GPR158: variants seen among roughly 807,000 people sequenced by gnomAD.
The protein encoded by GPR158 is metabotropic glycine receptor.
GPR158 carries 30 observed loss-of-function variants against 78.2 expected under a neutral mutation model. The observed-to-expected ratio is 0.38, with a 90% confidence interval of 0.29 to 0.52. The LOEUF is 0.52. Ranked by LOEUF, GPR158 falls within the 20% of genes least tolerant of loss-of-function variation. The pLI is 0.83. For missense variants in GPR158, 1,463 were observed against 1,523.5 expected, an observed-to-expected ratio of 0.96 and a Z score of 0.66; for synonymous variants, 581 against 591.1, an observed-to-expected ratio of 0.98 and a Z score of 0.25.
intron 2 of GPR158, among the ~76,000 whole-genome samples, chr10:25,259,512 T>C (rs1450883906): frequency 1.3e-5 from 2 of 152,172 alleles, no homozygotes; most frequent in Non-Finnish European, 2.9e-5. Flanking sequence ...ATAGCTTTAT[T>C]ATAAGATTTG....
chr10:25,524,266 T>C (rs895205922), intron 5 of GPR158, among the ~76,000 whole-genome samples: 1 of 152,210 alleles, frequency 6.6e-6, no homozygotes, highest in Non-Finnish European at 1.5e-5. Flanking sequence ...CCCAGCTATC[T>C]TTTTGTTAAA....
chr10:25,417,132 G>A (rs1834674477), intron 4 of GPR158, among the ~76,000 whole-genome samples: 1 of 152,188 alleles, frequency 6.6e-6, no homozygotes, highest in Non-Finnish European at 1.5e-5. Context: ...AATTTCTCCT[G>A]TGGATCTTTA....
chr10:25,492,224 A>G (rs1835820369), intron 5 of GPR158, among the ~76,000 whole-genome samples: 1 of 152,132 alleles, frequency 6.6e-6, no homozygotes, highest in Admixed American at 6.6e-5. Context: ...GGATCAAGCA[A>G]TTCATTAAGG....
chr10:25,307,353 C>T (rs992013247), intron 2 of GPR158, among the ~76,000 whole-genome samples: 1 of 149,234 alleles, frequency 6.7e-6, no homozygotes, highest in African/African-American at 2.5e-5. Flanking sequence ...CCCCAAAATG[C>T]CATACTCTCG....
At chr10:25,357,321 G>A (rs1855567758) in intron 2 of GPR158, among the ~76,000 whole-genome samples, 1 of 152,124 alleles carries the variant, frequency 6.6e-6, no homozygotes, top group Non-Finnish European at 1.5e-5. Flanking sequence ...GCTGGCTGTA[G>A]AAATTTGCAT....
intron 1 of GPR158, among the ~76,000 whole-genome samples, chr10:25,186,481 C>T (rs1564385580): frequency 6.6e-6 from 1 of 151,772 alleles, no homozygotes; most frequent in African/African-American, 2.4e-5. Flanking sequence ...ACTAGCAAGA[C>T]TAATAAAGAA....
At chr10:25,576,994 G>A (rs1342071527) in intron 7 of GPR158, among the ~76,000 whole-genome samples, 1 of 147,004 alleles carries the variant, frequency 6.8e-6, no homozygotes, top group African/African-American at 2.5e-5. Flanking sequence ...AAAAGTCAGG[G>A]CACATAATTT....
intron 5 of GPR158, among the ~76,000 whole-genome samples, chr10:25,478,281 C>T (rs1835616002): frequency 6.6e-6 from 1 of 152,104 alleles, no homozygotes; most frequent in Admixed American, 6.6e-5. Flanking sequence ...CAGTAAACAC[C>T]TATTAGAAAA....
intron 2 of GPR158, among the ~76,000 whole-genome samples, chr10:25,297,693 A>G (rs1645221894): frequency 6.6e-6 from 1 of 152,224 alleles, no homozygotes; most frequent in Admixed American, 6.5e-5. Flanking sequence ...ACTAGGCAAC[A>G]TACTTATCAG....
At chr10:25,233,825 A>T (rs1378679985) in intron 2 of GPR158, among the ~76,000 whole-genome samples, 4 of 152,230 alleles carry the variant, frequency 2.6e-5, no homozygotes, top group Admixed American at 2.6e-4. Context: ...ATGCAGAAAG[A>T]GAGAGAGGAG....
At chr10:25,305,541 G>A (rs1854661452) in intron 2 of GPR158, among the ~76,000 whole-genome samples, 1 of 152,126 alleles carries the variant, frequency 6.6e-6, no homozygotes. Flanking sequence ...TCCCAGTTTG[G>A]AAGTGTCAGC....
At chr10:25,383,803 C>G (rs1834187907) in intron 2 of GPR158, among the ~76,000 whole-genome samples, 1 of 152,138 alleles carries the variant, frequency 6.6e-6, no homozygotes, top group Non-Finnish European at 1.5e-5. Context: ...TGACCATGCA[C>G]TAGCATCTGT....
chr10:25,199,795 TA>T (rs1157704313), intron 1 of GPR158, among the ~76,000 whole-genome samples: 1 of 152,172 alleles, frequency 6.6e-6, no homozygotes, highest in Non-Finnish European at 1.5e-5. Flanking sequence ...GTGAGTCAAT[TA>T]AGCCTCTTAA....
At chr10:25,230,346 A>G (rs1853431183) in intron 2 of GPR158, among the ~76,000 whole-genome samples, 1 of 152,198 alleles carries the variant, frequency 6.6e-6, no homozygotes, top group Admixed American at 6.5e-5. Context: ...GCAAAAGCCA[A>G]CATAGTCTGA....
At chr10:25,531,104 GA>G (rs1446283223) in intron 5 of GPR158, among the ~76,000 whole-genome samples, 1 of 152,164 alleles carries the variant, frequency 6.6e-6, no homozygotes, top group Non-Finnish European at 1.5e-5. Flanking sequence ...TGATTAGTAA[GA>G]AAAATATTCT....
At chr10:25,497,017 C>T (rs1447643942) in intron 5 of GPR158, among the ~76,000 whole-genome samples, 1 of 151,918 alleles carries the variant, frequency 6.6e-6, no homozygotes, top group Non-Finnish European at 1.5e-5. Flanking sequence ...GGACAGGTGA[C>T]GGGCCAAGGA....
At chr10:25,498,546 G>C (rs1293153946) in intron 5 of GPR158, among the ~76,000 whole-genome samples, 1 of 152,176 alleles carries the variant, frequency 6.6e-6, no homozygotes, top group Non-Finnish European at 1.5e-5. Context: ...GCGCACCCAA[G>C]TTTGAGAATC....
chr10:25,562,773 TTGTC>T (rs1270562322), intron 6 of GPR158, among the ~76,000 whole-genome samples: 1 of 152,230 alleles, frequency 6.6e-6, no homozygotes. Flanking sequence ...TACCCCGTGT[TTGTC>T]TGTAAGGTCT....
intron 2 of GPR158, among the ~76,000 whole-genome samples, chr10:25,346,670 C>A (rs1470793595): frequency 1.3e-5 from 2 of 151,798 alleles, no homozygotes; most frequent in African/African-American, 4.8e-5. Flanking sequence ...TTTATGAAGG[C>A]AAGATTGAGT....
Sources: gnomAD v4.1 joint callset for allele counts (sites outside exome capture counted in the v4.1 genomes callset) on GRCh38, gnomAD v4.1.1 for gene constraint, MANE v1.5 for transcripts, NCBI Gene and HGNC (gene_info 2026-07-23, HGNC 2026-07-21) for gene names.